The following MAGI2 variants were observed in gnomAD, a reference collection of about 807,000 sequenced individuals.
MAGI2 encodes the protein membrane associated guanylate kinase, WW and PDZ domain containing 2, also known as membrane-associated guanylate kinase, WW and PDZ domain-containing protein 2.
Under a neutral mutation model 133.3 loss-of-function variants are expected in MAGI2, and 35 were observed. The observed-to-expected ratio is 0.26, with a 90% CI of 0.20 to 0.35. The LOEUF (loss-of-function observed/expected upper bound fraction) is 0.35. Among genes scored for constraint, MAGI2 ranks in the 10% least tolerant of loss-of-function variants. The pLI is 1.00. For missense variants in MAGI2, 1,636 were observed against 1,863.4 expected, an observed-to-expected ratio of 0.88 and a Z score of 2.25; for synonymous variants, 729 against 710.6, an observed-to-expected ratio of 1.03 and a Z score of -0.41.
intron 1 of MAGI2, among the ~76,000 whole-genome samples, chr7:79,285,506 C>A (rs1378529237): frequency 6.6e-6 from 1 of 152,122 alleles, no homozygotes; most frequent in Non-Finnish European, 1.5e-5. Flanking sequence ...CTTCAAACAC[C>A]TTGTCAGAAT....
At chr7:78,340,470 T>A (rs1196748853) in intron 9 of MAGI2, among the ~76,000 whole-genome samples, 1 of 152,192 alleles carries the variant, frequency 6.6e-6, no homozygotes, top group Non-Finnish European at 1.5e-5. Context: ...GCCAGCATCA[T>A]CCTGATACCA....
rs1002299211 is a variant in MAGI2, at chr7:78,160,267, G to C, written c.2603C>G (p.Pro868Arg). 15 of 1,584,950 alleles carry C rather than the reference G, an allele frequency of 9.5e-6. No homozygotes were observed. In the Admixed American group the frequency reaches 2.4e-4, roughly 26 times the overall value. ...VRRKVLCGGEPCPENGRSPGS... is the reference protein window; with the variant it reads ...VRRKVLCGGERCPENGRSPGS... ...TGGACTTCTCCCGTTCTCTGGGCAG[G>C]GCTCCCCTGCAAAATATACCACACA... Residue 868 changes from proline to arginine, a missense_variant, in exon 16 of 22, where the codon CCC becomes CGC. Pro to Arg is a moderately radical substitution (Grantham distance 103). Around this residue, in one of 5 missense-constraint regions of MAGI2, gnomAD observed 920 missense variants for 1,093.5 expected, o/e 0.84. Coordinates refer to ENST00000354212, the MANE Select transcript of MAGI2 (RefSeq NM_012301.4).
intron 2 of MAGI2, among the ~76,000 whole-genome samples, chr7:78,762,421 CAACAGAGTGAGACTCCACCAA>C (rs1394142374): frequency 6.6e-6 from 1 of 151,510 alleles, no homozygotes; most frequent in East Asian, 1.9e-4. Flanking sequence ...CCAGCCTGGG[CAACAGAGTGAGACTCCACCAA>C]AACAAAACAA....
At chr7:79,092,557 T>C (rs1817159022) in intron 1 of MAGI2, among the ~76,000 whole-genome samples, 1 of 152,150 alleles carries the variant, frequency 6.6e-6, no homozygotes, top group African/African-American at 2.4e-5. Context: ...CTTAAATGGG[T>C]TGTTATGAAT....
Position 78,980,785 on chromosome 7 carries a change from GT to G in MAGI2, c.418+26304del, listed in dbSNP as rs755593505. Among the ~76,000 whole-genome samples the G allele has an allele frequency of 3.3e-5, 5 of 149,370 alleles. No individual in the cohort carries two copies. The East Asian group carries it at 8.3e-4, about 25-fold the overall frequency. On this transcript the variant is annotated intron_variant, in intron 2 of 21. Transcript: ENST00000354212. ...GGTTCAGTTTCGTTTTTTGTTTTTT[GT>G]TTTTTTAAATATTGGAGTATATTGT...
At chr7:78,133,649 C>A (rs74573035) in intron 17 of MAGI2, among the ~76,000 whole-genome samples, 1,739 of 152,282 alleles carry the variant, frequency 0.011, 26 homozygotes, top group African/African-American at 0.034. Flanking sequence ...TTGCTAATAA[C>A]ATCAAATTTT....
At chr7:78,429,226 A>G (rs190147866) in intron 6 of MAGI2, among the ~76,000 whole-genome samples, 2 of 152,226 alleles carry the variant, frequency 1.3e-5, no homozygotes, top group East Asian at 3.9e-4. Flanking sequence ...TGGTTTTTGT[A>G]ACTGACCCAA....
At chr7:78,438,677 C>G (rs925665747) in intron 6 of MAGI2, among the ~76,000 whole-genome samples, 2 of 152,142 alleles carry the variant, frequency 1.3e-5, no homozygotes, top group Non-Finnish European at 2.9e-5. Context: ...TAACGAACCA[C>G]AGCCAAGGAG....
chr7:79,120,682 T>G (rs1819818158), intron 1 of MAGI2, among the ~76,000 whole-genome samples: 1 of 152,102 alleles, frequency 6.6e-6, no homozygotes, highest in Non-Finnish European at 1.5e-5. Flanking sequence ...AGGACCACTA[T>G]AAGTAGGAAC....
At chr7:78,248,247 A>G (rs1373539275) in intron 10 of MAGI2, among the ~76,000 whole-genome samples, 2 of 152,176 alleles carry the variant, frequency 1.3e-5, no homozygotes, top group African/African-American at 4.8e-5. Flanking sequence ...CCTTACATCA[A>G]ATGCTTAAGG....
chr7:78,771,774 G>A (rs544483891), intron 2 of MAGI2, among the ~76,000 whole-genome samples: 1 of 151,792 alleles, frequency 6.6e-6, no homozygotes, highest in South Asian at 2.1e-4. Context: ...AAATAATAAT[G>A]TGAAAGGAAA....
At chr7:78,413,109 G>A (rs1798003124) in intron 6 of MAGI2, among the ~76,000 whole-genome samples, 2 of 152,206 alleles carry the variant, frequency 1.3e-5, no homozygotes, top group South Asian at 4.1e-4. Flanking sequence ...GACAAAACCA[G>A]TTTTCTTCTT....
chr7:78,382,969 C>T (rs1490223654), intron 6 of MAGI2, among the ~76,000 whole-genome samples: 1 of 152,032 alleles, frequency 6.6e-6, no homozygotes, highest in Admixed American at 6.6e-5. Flanking sequence ...GAATATTATT[C>T]TACTGTGTAT....
intron 21 of MAGI2, among the ~76,000 whole-genome samples, chr7:78,050,157 A>C (rs1411785572): frequency 6.6e-6 from 1 of 151,860 alleles, no homozygotes; most frequent in Non-Finnish European, 1.5e-5. Flanking sequence ...AGTTTCCTCA[A>C]CTCGTTTTGC....
chr7:78,114,950 G>A (rs1447683318), intron 20 of MAGI2, among the ~76,000 whole-genome samples: 1 of 152,254 alleles, frequency 6.6e-6, no homozygotes. Flanking sequence ...TCTAAAGCTG[G>A]AAGTGGTTGC....
chr7:78,673,470 C>T (rs746839651), intron 2 of MAGI2, among the ~76,000 whole-genome samples: 1 of 151,988 alleles, frequency 6.6e-6, no homozygotes, highest in East Asian at 1.9e-4. Context: ...ACCTGAGAAC[C>T]AGGAAATCTG....
At chr7:78,979,770 T>C (rs1042171662) in intron 2 of MAGI2, among the ~76,000 whole-genome samples, 1 of 151,818 alleles carries the variant, frequency 6.6e-6, no homozygotes, top group Admixed American at 6.6e-5. Flanking sequence ...TACCAAAGGG[T>C]TGAATAGGTG....
chr7:78,207,235 T>C (rs1787191776), intron 10 of MAGI2, among the ~76,000 whole-genome samples: 1 of 32,364 alleles, frequency 3.1e-5, no homozygotes, highest in African/African-American at 9.7e-5. Context: ...TAAATTATCC[T>C]TTTTTATGAA....
chr7:78,697,509 G>A (rs1817642270), intron 2 of MAGI2, among the ~76,000 whole-genome samples: 1 of 152,008 alleles, frequency 6.6e-6, no homozygotes, highest in East Asian at 1.9e-4. Context: ...CTTTACAATG[G>A]ATATGCTACT....
Sources: allele counts gnomAD v4.1 joint callset (sites outside exome capture counted in the v4.1 genomes callset), GRCh38; gene constraint gnomAD v4.1.1; regional missense constraint gnomAD v4.1.1; transcripts MANE v1.5; gene names NCBI Gene and HGNC (gene_info 2026-07-23, HGNC 2026-07-21).